The following SLCO1B1 variants were observed in gnomAD, a reference collection of about 807,000 sequenced individuals.
SLCO1B1 encodes solute carrier organic anion transporter family member 1B1.
Under a neutral mutation model 70.1 loss-of-function variants are expected in SLCO1B1, and 81 were observed. That is an observed-to-expected ratio of 1.16 (90% CI 0.97 to 1.39). The LOEUF (loss-of-function observed/expected upper bound fraction) is 1.39. SLCO1B1 is among the 40% of genes most tolerant of loss of function. SLCO1B1 has a pLI of 0.00. For synonymous variants in SLCO1B1, 283 were observed against 271.5 expected, an observed-to-expected ratio of 1.04 and a Z score of -0.42; for missense variants, 895 against 799.6, an observed-to-expected ratio of 1.12 and a Z score of -1.44.
intron 11 of SLCO1B1, among the ~76,000 whole-genome samples, chr12:21,213,364 C>G (rs1344305144): frequency 6.6e-6 from 1 of 151,840 alleles, no homozygotes; most frequent in Non-Finnish European, 1.5e-5. Context: ...GTTGAAAATT[C>G]TTGTCTTTAA....
intron 2 of SLCO1B1, among the ~76,000 whole-genome samples, chr12:21,155,459 T>C (rs926485510): frequency 2.0e-5 from 3 of 152,188 alleles, no homozygotes; most frequent in Non-Finnish European, 4.4e-5. Flanking sequence ...TTGTAATGCT[T>C]AAACTCCTGT....
chr12:21,161,435 C>A (rs528977479), intron 2 of SLCO1B1, among the ~76,000 whole-genome samples: 53 of 152,176 alleles, frequency 3.5e-4, no homozygotes, highest in African/African-American at 1.2e-3. Context: ...TTCATGTTCT[C>A]ACTTATAAGT....
intron 7 of SLCO1B1, among the ~76,000 whole-genome samples, chr12:21,187,464 T>C (rs11045831): frequency 0.12 from 18,559 of 152,028 alleles, 1,508 homozygotes; most frequent in Non-Finnish European, 0.18. Flanking sequence ...AAGTTCAACA[T>C]CAAAGGCATT....
Position 21,197,182 on chromosome 12 carries a change from G to A in SLCO1B1, c.964G>A (p.Val322Met), listed in dbSNP as rs201363750. ...TCAAGGAAAAAATATTACCAAAAAT[G>A]TGACTGGTAAGTATTTAACATTCAT... is the stretch of plus-strand genomic sequence containing the variant. ...TNQGKNITKN[V>M]TGFFQSFKSI... Residue 322 changes from valine to methionine, a missense_variant, in exon 8 of 15, where the codon GTG (valine) becomes ATG (methionine). Physicochemically the swap from Val to Met is conservative, Grantham distance 21 (BLOSUM62 1). Transcript: ENST00000256958. 3 of 1,612,886 alleles carry A rather than the reference G, an allele frequency of 1.9e-6. No homozygotes were observed.
chr12:21,184,589 C>G (rs1940942768), intron 7 of SLCO1B1, among the ~76,000 whole-genome samples: 1 of 152,104 alleles, frequency 6.6e-6, no homozygotes, highest in South Asian at 2.1e-4. Flanking sequence ...ATCACTAAAC[C>G]AGCCTTATAA....
chr12:21,177,678 T>G (rs1447608926), intron 5 of SLCO1B1, among the ~76,000 whole-genome samples: 1 of 152,114 alleles, frequency 6.6e-6, no homozygotes, highest in African/African-American at 2.4e-5. Flanking sequence ...CTGCTATTAT[T>G]GATTAATCTT....
At chr12:21,161,867 G>T (rs962420868) in intron 2 of SLCO1B1, among the ~76,000 whole-genome samples, 2 of 152,134 alleles carry the variant, frequency 1.3e-5, no homozygotes, top group Admixed American at 1.3e-4. Flanking sequence ...AATTAGCCAG[G>T]TGTGATGGCA....
intron 14 of SLCO1B1, among the ~76,000 whole-genome samples, chr12:21,236,807 G>C (rs546447762): frequency 1.1e-4 from 17 of 152,230 alleles, no homozygotes; most frequent in African/African-American, 3.9e-4. Flanking sequence ...TTTCTGAGGA[G>C]AACTGTAATT....
intron 2 of SLCO1B1, among the ~76,000 whole-genome samples, chr12:21,172,125 T>G (rs970422579): frequency 6.6e-6 from 1 of 152,226 alleles, no homozygotes; most frequent in Non-Finnish European, 1.5e-5. Flanking sequence ...ATACATTTTA[T>G]TAACATGAAA....
intron 11 of SLCO1B1, among the ~76,000 whole-genome samples, chr12:21,216,692 C>T (rs542708970): frequency 6.6e-6 from 1 of 152,160 alleles, no homozygotes; most frequent in South Asian, 2.1e-4. Context: ...TTGATTACTC[C>T]CAAACTGCTA....
In SLCO1B1 at chr12:21,202,532, G is replaced by T. The variant is rs373127202; in HGVS notation, c.1177G>T (p.Gly393Ter). 2.5e-6 allele frequency: 4 copies of T among 1,610,530 alleles called. No individual in the cohort carries two copies. Among genetic ancestry groups the T allele is most frequent in the Non-Finnish European group, 3.4e-6 (4 of 1,178,734 alleles). ...IPIFASGMFL[G>*]GYIIKKFKLN... ...TATTTTTGCAAGTGGAATGTTTTTA[G>T]GAGGATATATCATTAAAAAATTCAA... The change falls in exon 10 of 15, where the codon GGA (glycine) becomes TGA (stop). Residue 393 changes from glycine to a stop codon, truncating the protein, a stop_gained. Coordinates refer to ENST00000256958, the MANE Select transcript of SLCO1B1 (RefSeq NM_006446.5). LOFTEE classifies it high-confidence loss of function.
At chr12:21,235,769 TG>T (rs1438630152) in intron 14 of SLCO1B1, among the ~76,000 whole-genome samples, 7 of 152,242 alleles carry the variant, frequency 4.6e-5, no homozygotes, top group African/African-American at 1.4e-4. Context: ...TTTACTGGTC[TG>T]GGAAATATTT....
At chr12:21,167,035 C>T (rs564056196) in intron 2 of SLCO1B1, among the ~76,000 whole-genome samples, 41 of 152,074 alleles carry the variant, frequency 2.7e-4, no homozygotes, top group African/African-American at 7.7e-4. Context: ...AGTAAAAGAA[C>T]GCAATATTAA....
At chr12:21,150,564 G>A (rs1419094936) in intron 2 of SLCO1B1, among the ~76,000 whole-genome samples, 1 of 152,124 alleles carries the variant, frequency 6.6e-6, no homozygotes, top group South Asian at 2.1e-4. Flanking sequence ...GGTCTGGAGT[G>A]GACCTCCAGC....
intron 12 of SLCO1B1, among the ~76,000 whole-genome samples, chr12:21,220,270 C>T (rs924161738): frequency 8.5e-5 from 13 of 152,154 alleles, no homozygotes; most frequent in Admixed American, 7.2e-4. Flanking sequence ...AGCTGAGCAG[C>T]CTGTTCAATA....
chr12:21,193,537 T>TA (rs752442443), intron 7 of SLCO1B1, among the ~76,000 whole-genome samples: 2 of 152,206 alleles, frequency 1.3e-5, no homozygotes, highest in Non-Finnish European at 2.9e-5. Context: ...TGAATTAACT[T>TA]AAAAAATCAT....
At position 21,239,336 on chromosome 12, in the gene SLCO1B1, A is replaced by G. The variant is rs1941625957; in HGVS notation, c.*147A>G. The G allele has an allele frequency of 2.9e-6, 2 of 689,290 alleles. No individual in the cohort carries two copies. 42.7% of individuals were successfully genotyped at this position (689,290 alleles called of 1,614,324 possible). A position where few individuals can be genotyped will look rare whatever the true frequency, so the allele number is the denominator to read the frequency against. On this transcript the variant is annotated 3_prime_UTR_variant, in exon 15 of 15. Coordinates refer to ENST00000256958, the MANE Select transcript of SLCO1B1 (RefSeq NM_006446.5). ...GAAGTATAAATAAGCCTATGAACTT[A>G]TAATAAAACAAACTGTAGGTAGAAA...
intron 14 of SLCO1B1, among the ~76,000 whole-genome samples, chr12:21,231,718 G>A (rs1169706646): frequency 6.6e-6 from 1 of 151,562 alleles, no homozygotes; most frequent in Admixed American, 6.6e-5. Flanking sequence ...ATATATACAT[G>A]TATATATGTG....
intron 9 of SLCO1B1, among the ~76,000 whole-genome samples, chr12:21,201,174 G>A (rs570316058): frequency 6.6e-6 from 1 of 152,154 alleles, no homozygotes; most frequent in South Asian, 2.1e-4. Context: ...ACATTTAGAT[G>A]TGCTTATTAA....
Sources: allele counts gnomAD v4.1 joint callset (sites outside exome capture counted in the v4.1 genomes callset), GRCh38; gene constraint gnomAD v4.1.1; transcripts MANE v1.5; gene names NCBI Gene and HGNC (gene_info 2026-07-23, HGNC 2026-07-21).